MYO7B: variants seen among roughly 807,000 people sequenced by gnomAD.
MYO7B encodes unconventional myosin-VIIb.
A neutral mutation model predicts 259.7 loss-of-function variants in MYO7B; 212 were observed. That is an observed-to-expected ratio of 0.82 (90% confidence interval 0.73 to 0.91). The LOEUF is 0.91. Ranked by LOEUF, MYO7B falls within the 40% of genes least tolerant of loss-of-function variation. The probability of loss-of-function intolerance (pLI) is 0.00; values close to 1 mark genes in which losing one functional copy is unlikely to be tolerated. For synonymous variants in MYO7B, 1,197 were observed against 1,166.4 expected, an observed-to-expected ratio of 1.03 and a Z score of -0.54; for missense variants, 2,732 against 2,813.5, an observed-to-expected ratio of 0.97 and a Z score of 0.66.
intron 39 of MYO7B, among the ~76,000 whole-genome samples, chr2:127,632,625 G>T (rs1681585135): frequency 6.6e-6 from 1 of 152,160 alleles, no homozygotes; most frequent in Admixed American, 6.5e-5. Context: ...CAGCTCCCCT[G>T]CCCCACCACT....
In MYO7B at chr2:127,559,103, G is replaced by A. The variant is rs749718075; in HGVS notation, c.-23-597G>A. Reference sequence around the variant, plus strand: ...TTCCTCCTTTAAATGGGACAAGTGGGCTCCTCCCCGCTCCTCCTCCTGCTG... The same window carrying A: ...TTCCTCCTTTAAATGGGACAAGTGGACTCCTCCCCGCTCCTCCTCCTGCTG... On this transcript the variant is annotated intron_variant, in intron 1 of 47. Coordinates refer to ENST00000409816, the MANE Select transcript of MYO7B (RefSeq NM_001393586.1). This position sits in a 1 kb window ranked among gnomAD's most constrained non-coding sequence, Gnocchi z 4.1. 8.5e-5 allele frequency among the ~76,000 whole-genome samples: 13 copies of A among 152,158 alleles called. No individual in the cohort carries two copies. Among genetic ancestry groups the A allele is most frequent in the Non-Finnish European group, 1.6e-4 (11 of 68,028 alleles).
At chr2:127,537,783 G>C (rs890185276) in intron 1 of MYO7B, among the ~76,000 whole-genome samples, 11 of 152,222 alleles carry the variant, frequency 7.2e-5, no homozygotes, top group African/African-American at 2.7e-4. Context: ...CTCCTCGAGA[G>C]CCTGGGCTGG....
chr2:127,613,679 A>G lies in MYO7B; in HGVS notation c.3398+1076A>G, dbSNP rs1680468570. On this transcript the variant is annotated intron_variant, in intron 26 of 47. Transcript: ENST00000409816. This position sits in a 1 kb window ranked among gnomAD's most constrained non-coding sequence, Gnocchi z 4.3. ...TTGGGTTGTATCCTGGACATTGAGG[A>G]TGATACGTTAGAGACTCTGGATTCT... Among the ~76,000 whole-genome samples the G allele has an allele frequency of 6.6e-6, 1 of 152,102 alleles. No individual in the cohort carries two copies. Among genetic ancestry groups the G allele is most frequent in the African/African-American group, 2.4e-5 (1 of 41,390 alleles).
In MYO7B at chr2:127,576,551, G is replaced by A. The variant is rs772770236; in HGVS notation, c.736-44G>A. On this transcript the variant is annotated intron_variant, in intron 7 of 47. Transcript: ENST00000409816. The surrounding 1 kb of genome is among the most constrained non-coding windows in gnomAD (Gnocchi z 4.9). Reference sequence around the variant, plus strand: ...AGTCTGAGGCCCTGAGGCCTCAGGGGAATGGCTCATGAATCTGTCTGGAAT... The same window carrying A: ...AGTCTGAGGCCCTGAGGCCTCAGGGAAATGGCTCATGAATCTGTCTGGAAT... 8 of 1,329,048 alleles carry A rather than the reference G, an allele frequency of 6.0e-6. No homozygotes were observed. Among genetic ancestry groups the A allele is most frequent in the Non-Finnish European group, 8.4e-6 (8 of 950,274 alleles). 82.3% of individuals were successfully genotyped at this position (1,329,048 alleles called of 1,614,324 possible).
chr2:127,580,076 G>C (rs746196203), intron 9 of MYO7B, among the ~76,000 whole-genome samples: 2 of 152,206 alleles, frequency 1.3e-5, no homozygotes, highest in Non-Finnish European at 2.9e-5. Flanking sequence ...GCGTGGTTAC[G>C]TGGTGCTGAC....
At chr2:127,557,624 T>C (rs1334444748) in intron 1 of MYO7B, among the ~76,000 whole-genome samples, 1 of 152,164 alleles carries the variant, frequency 6.6e-6, no homozygotes, top group African/African-American at 2.4e-5. Flanking sequence ...CCCCCTTTTG[T>C]GGTATTGGTA....
At chr2:127,570,866 T>TA (rs1437145617) in intron 6 of MYO7B, among the ~76,000 whole-genome samples, 6 of 152,050 alleles carry the variant, frequency 3.9e-5, no homozygotes, top group African/African-American at 1.4e-4. Flanking sequence ...TTTGTAGCCT[T>TA]TTGTGTCTAG....
rs1313238997 is a variant in MYO7B, at chr2:127,625,379, G to A, written c.4059G>A (p.Leu1353=). 2 of 1,584,822 alleles carry A rather than the reference G, an allele frequency of 1.3e-6. No individual in the cohort carries two copies. The highest frequency in any genetic ancestry group is 1.7e-6 in the Non-Finnish European group (2 of 1,166,150). Residue 1353 remains leucine, a synonymous_variant, in exon 31 of 48, where the codon CTG becomes CTA. Transcript: ENST00000409816. The part of the protein sequence containing the change: ...GEYSFEKEEE[L]VELLARHCYV... Reference sequence around the variant, plus strand: ...CCTGGGCTGTGCAGGAGGAAGAGCTGGTTGAGCTGCTGGCCCGGCACTGCT... The same window carrying A: ...CCTGGGCTGTGCAGGAGGAAGAGCTAGTTGAGCTGCTGGCCCGGCACTGCT...
At chr2:127,635,531 C>A in intron 43 of MYO7B, 191 bp from the exon 44 acceptor site, 1 of 685,318 alleles carries the variant, frequency 1.5e-6, no homozygotes, top group Non-Finnish European at 2.4e-6. Context: ...AGGCCATCAC[C>A]TCCACGCAGA....
intron 7 of MYO7B, among the ~76,000 whole-genome samples, chr2:127,575,038 G>A (rs1354246459): frequency 6.6e-6 from 1 of 152,136 alleles, no homozygotes; most frequent in Non-Finnish European, 1.5e-5. Context: ...ACACAGAAGG[G>A]GTCCAGAGGG....
Position 127,634,682 on chromosome 2 carries a change from A to G in MYO7B, c.5712A>G (p.Glu1904=). The G allele has an allele frequency of 1.2e-6, 2 of 1,607,174 alleles. No individual in the cohort carries two copies. Among genetic ancestry groups the G allele is most frequent in the Non-Finnish European group, 1.7e-6 (2 of 1,176,858 alleles). ...DWVKKNKPQK[E]GAPVTLPYQV... ...TGAAGAAGAACAAGCCCCAGAAAGA[A>G]GGTGAGGAGGCCTCTGTGGAGCTGG... The change falls in exon 42 of 48, where the codon GAA becomes GAG. Residue 1904 remains glutamate, a splice_region_variant and synonymous_variant. Transcript: ENST00000409816.
chr2:127,552,125 A>C (rs1455717626), intron 1 of MYO7B, among the ~76,000 whole-genome samples: 1 of 152,188 alleles, frequency 6.6e-6, no homozygotes, highest in African/African-American at 2.4e-5. Context: ...GGCATTTGGA[A>C]AAAAAAGTGT....
At chr2:127,556,373 C>CTAT (rs754843179) in intron 1 of MYO7B, among the ~76,000 whole-genome samples, 4 of 152,194 alleles carry the variant, frequency 2.6e-5, no homozygotes, top group Admixed American at 6.5e-5. Flanking sequence ...TTAAGTGGCA[C>CTAT]ATTTAGGCCA....
chr2:127,551,775 C>T (rs1477801978), intron 1 of MYO7B, among the ~76,000 whole-genome samples: 2 of 152,184 alleles, frequency 1.3e-5, no homozygotes, highest in African/African-American at 4.8e-5. Flanking sequence ...GCGTTGGAAG[C>T]TGAGTGTTGT....
intron 10 of MYO7B, among the ~76,000 whole-genome samples, chr2:127,581,257 C>A (rs765061543): frequency 1.3e-5 from 2 of 152,130 alleles, no homozygotes; most frequent in Non-Finnish European, 1.5e-5. Flanking sequence ...TGGGGCCCAT[C>A]CCATTAGCCT....
chr2:127,596,626 C>T (rs1679780152), intron 19 of MYO7B, 70 bp downstream of exon 19: 1 of 1,301,330 alleles, frequency 7.7e-7, no homozygotes, highest in Non-Finnish European at 1.1e-6. Flanking sequence ...GCCTGCAGCC[C>T]ACAAACCAGG....
Position 127,612,310 on chromosome 2 carries a change from T to TCCCGGATCACAGGCCAGGTGAG in MYO7B, c.3257_3270+8dup. 1 of 939,642 alleles carries TCCCGGATCACAGGCCAGGTGAG rather than the reference T, an allele frequency of 1.1e-6. No individual in the cohort carries two copies. The highest frequency in any genetic ancestry group is 1.4e-5 in the South Asian group (1 of 71,572). 58.2% of individuals were successfully genotyped at this position (939,642 alleles called of 1,614,324 possible). A position where few individuals can be genotyped will look rare whatever the true frequency, so the allele number is the denominator to read the frequency against. ...CTCCTCCATGAAGCTGAAGCGGTCC[T>TCCCGGATCACAGGCCAGGTGAG]CCCGGATCACAGGCCAGGTGAGCCC... On this transcript the variant is annotated frameshift_variant, in exon 25 of 48. Coordinates refer to ENST00000409816, the MANE Select transcript of MYO7B (RefSeq NM_001393586.1). LOFTEE classifies it high-confidence loss of function.
rs555748232 is a variant in MYO7B at position 127,564,892 on chromosome 2, A to G, written c.133-341A>G. Among the ~76,000 whole-genome samples, 19 of 152,366 alleles carry G rather than the reference A, an allele frequency of 1.2e-4. No individual in the cohort carries two copies. In the South Asian group the frequency reaches 3.5e-3, roughly 28 times the overall value. ...GCTTTTACTTGCACAGTCTTATTCC[A>G]ACAACCTGCAAGGCTCCCAGCTGCA... is the stretch of plus-strand genomic sequence containing the variant. On this transcript the variant is annotated intron_variant, in intron 3 of 47. Transcript: ENST00000409816.
At chr2:127,598,734 A>T (rs934911692) in intron 19 of MYO7B, among the ~76,000 whole-genome samples, 1 of 152,126 alleles carries the variant, frequency 6.6e-6, no homozygotes, top group African/African-American at 2.4e-5. Context: ...ATACATTCCC[A>T]TTTTGAATTA....
Sources: allele counts gnomAD v4.1 joint callset (sites outside exome capture counted in the v4.1 genomes callset), GRCh38; gene constraint gnomAD v4.1.1; non-coding constraint Gnocchi (gnomAD v3.1); transcripts MANE v1.5; gene names NCBI Gene and HGNC (gene_info 2026-07-23, HGNC 2026-07-21).